Variants in PSD2 observed in about 807,000 individuals in gnomAD.
PSD2 encodes pleckstrin and Sec7 domain containing 2.
PSD2 carries 38 observed loss-of-function variants against 69.8 expected under a neutral mutation model. That is an observed-to-expected ratio of 0.54 (90% CI 0.42 to 0.71). PSD2 has a LOEUF of 0.71. PSD2 is among the 30% of genes least tolerant of loss of function. The pLI, the probability that PSD2 is intolerant of heterozygous loss-of-function variation, is 0.00. For synonymous variants in PSD2, 412 were observed against 423.0 expected, an observed-to-expected ratio of 0.97 and a Z score of 0.32; for missense variants, 943 against 1,014.5, an observed-to-expected ratio of 0.93 and a Z score of 0.96.
intron 7 of PSD2, among the ~76,000 whole-genome samples, chr5:139,832,806 G>A (rs996728589): frequency 2.6e-5 from 4 of 152,190 alleles, no homozygotes; most frequent in African/African-American, 7.2e-5. Flanking sequence ...TTTCTCAAAC[G>A]TGGGGACTCC....
chr5:139,767,195 G>C, the PSD2 span, among the ~76,000 whole-genome samples: 1 of 151,378 alleles, frequency 6.6e-6, no homozygotes, highest in Non-Finnish European at 1.5e-5. Flanking sequence ...AGATTTCACC[G>C]TGTTAGCCAG....
At chr5:139,754,472 C>T in the PSD2 span, among the ~76,000 whole-genome samples, 5 of 151,800 alleles carry the variant, frequency 3.3e-5, no homozygotes, top group African/African-American at 1.2e-4. Context: ...CTGGACAGAT[C>T]GCTTGAGCTC....
chr5:139,806,513 T>C (rs1336734083), intron 1 of PSD2, among the ~76,000 whole-genome samples: 4 of 152,230 alleles, frequency 2.6e-5, no homozygotes, highest in Non-Finnish European at 5.9e-5. Context: ...TTGTCAAATA[T>C]GGCGGTAGAA....
At chr5:139,755,263 C>T in the PSD2 span, among the ~76,000 whole-genome samples, 3 of 152,100 alleles carry the variant, frequency 2.0e-5, no homozygotes, top group South Asian at 4.1e-4. Flanking sequence ...CTTGGGCTCT[C>T]GCTCGAATAC....
In PSD2 at chr5:139,837,273, G is replaced by C. The variant is rs1352608612; in HGVS notation, c.1665+35G>C. The C allele has an allele frequency of 1.2e-6, 2 of 1,604,276 alleles. No homozygotes were observed. The highest frequency in any genetic ancestry group is 1.7e-6 in the Non-Finnish European group (2 of 1,172,008). On this transcript the variant is annotated intron_variant, in intron 11 of 14. Coordinates refer to ENST00000274710, the MANE Select transcript of PSD2 (RefSeq NM_032289.4). This position sits in a 1 kb window ranked among gnomAD's most constrained non-coding sequence, Gnocchi z 5.0. The stretch of plus-strand genomic sequence containing the variant: ...TGCCCCAGAGACCTTACTCAGAAAG[G>C]GCCAGCTCAGTCCCATCCCGCCCTG...
rs755605094 is a variant in PSD2, at chr5:139,830,345, CTT to C, written c.1270-3339_1270-3338del. On this transcript the variant is annotated intron_variant, in intron 7 of 14. Transcript: ENST00000274710. ...TTGTTTTTCATCTCTTGATAGTGTT[CTT>C]TTTTTTTTTTTTTTTTTCCTTTTGA... Among the ~76,000 whole-genome samples the C allele has an allele frequency of 5.5e-3, 642 of 116,512 alleles. 4 individuals carry two copies. The highest frequency in any genetic ancestry group is 0.019 in the African/African-American group (588 of 31,468). 76.4% of individuals were successfully genotyped at this position (116,512 alleles called of 152,430 possible).
chr5:139,771,368 C>CTTTCT, the PSD2 span, among the ~76,000 whole-genome samples: 9,828 of 151,852 alleles, frequency 0.065, 392 homozygotes, highest in Non-Finnish European at 0.09. Context: ...AGCAGGCCTG[C>CTTTCT]TTTCTTTTCT....
At chr5:139,759,305 C>G in the PSD2 span, among the ~76,000 whole-genome samples, 1 of 151,970 alleles carries the variant, frequency 6.6e-6, no homozygotes, top group Non-Finnish European at 1.5e-5. Context: ...CGCGCGCGCT[C>G]TCTCTCCACT....
the PSD2 span, among the ~76,000 whole-genome samples, chr5:139,758,052 C>T: frequency 2.7e-4 from 41 of 152,272 alleles, no homozygotes; most frequent in African/African-American, 7.9e-4. Context: ...AAAAACAAAA[C>T]GAAACGAAAC....
chr5:139,804,746 C>G (rs558812408), intron 1 of PSD2, among the ~76,000 whole-genome samples: 2 of 152,232 alleles, frequency 1.3e-5, no homozygotes, highest in East Asian at 3.9e-4. Flanking sequence ...CCTGGATGCC[C>G]GATGATGTAG....
At chr5:139,747,453 G>A in the PSD2 span, among the ~76,000 whole-genome samples, 2 of 152,218 alleles carry the variant, frequency 1.3e-5, no homozygotes, top group Admixed American at 6.5e-5. This position sits in a 1 kb window ranked among gnomAD's most constrained non-coding sequence, Gnocchi z 6.7. Context: ...GGAGGTGACC[G>A]GGCGGGGGCT....
the PSD2 span, among the ~76,000 whole-genome samples, chr5:139,783,881 A>G: frequency 1.3e-5 from 2 of 149,654 alleles, no homozygotes; most frequent in Non-Finnish European, 3.0e-5. Context: ...CTCTCTGCAC[A>G]GATGCTTTTT....
the PSD2 span, among the ~76,000 whole-genome samples, chr5:139,758,736 G>T: frequency 1.3e-5 from 2 of 152,148 alleles, no homozygotes; most frequent in Non-Finnish European, 2.9e-5. Flanking sequence ...TGTTCTCCAC[G>T]CACAGGGAGA....
At position 139,817,597 on chromosome 5, in the gene PSD2, G is replaced by C. The variant is rs749270947; in HGVS notation, c.1097+36G>C. 7.9e-6 allele frequency: 12 copies of C among 1,522,920 alleles called. No individual in the cohort carries two copies. The Admixed American group carries it at 1.8e-4, about 23-fold the overall frequency. The allele number at this position is 1,522,920 out of a possible 1,614,324, so 94.3% of individuals were successfully genotyped here. A position where few individuals can be genotyped will look rare whatever the true frequency, so the allele number is the denominator to read the frequency against. Reference sequence around the variant, plus strand: ...CTGGGACAGGCAGTGCCCACAAGTGGTACAGGCTGCACTTCTGGATTCTCA... The same window carrying C: ...CTGGGACAGGCAGTGCCCACAAGTGCTACAGGCTGCACTTCTGGATTCTCA... On this transcript the variant is annotated intron_variant, in intron 5 of 14. Transcript: ENST00000274710.
chr5:139,776,645 A>T, the PSD2 span, among the ~76,000 whole-genome samples: 13 of 149,384 alleles, frequency 8.7e-5, no homozygotes, highest in Non-Finnish European at 1.0e-4. Flanking sequence ...CTCCCTTGAC[A>T]CTTTGCTCAG....
At chr5:139,813,840 C>T (rs1054120680) in intron 3 of PSD2, 82 bp downstream of exon 3, 1 of 1,239,922 alleles carries the variant, frequency 8.1e-7, no homozygotes, top group Non-Finnish European at 1.1e-6. Context: ...GTTAGGGTGA[C>T]TCAGTGTCCA....
At chr5:139,816,088 A>G (rs1760117143) in intron 4 of PSD2, among the ~76,000 whole-genome samples, 1 of 152,130 alleles carries the variant, frequency 6.6e-6, no homozygotes, top group Non-Finnish European at 1.5e-5. Flanking sequence ...CTGAGTTTCA[A>G]AGTTACTATT....
At chr5:139,835,811 G>A in intron 9 of PSD2, 45 bp downstream of exon 9, 1 of 1,592,596 alleles carries the variant, frequency 6.3e-7, no homozygotes, top group African/African-American at 1.3e-5. Flanking sequence ...ATACATCCCT[G>A]GGTGGGGGAG....
At chr5:139,795,354 G>A (rs1033207432), upstream of PSD2, among the ~76,000 whole-genome samples, 1 of 152,034 alleles carries the variant, frequency 6.6e-6, no homozygotes. The surrounding 1 kb of genome is among the most constrained non-coding windows in gnomAD (Gnocchi z 4.5). Flanking sequence ...TGTGTCGGGG[G>A]GCTGGGGGCA....
Sources: gnomAD v4.1 joint callset for allele counts (sites outside exome capture counted in the v4.1 genomes callset) on GRCh38, gnomAD v4.1.1 for gene constraint, Gnocchi (gnomAD v3.1) non-coding constraint, MANE v1.5 for transcripts, NCBI Gene and HGNC (gene_info 2026-07-23, HGNC 2026-07-21) for gene names.